The following DIP2C variants were observed in gnomAD, a reference collection of about 807,000 sequenced individuals.
DIP2C encodes the protein disco-interacting protein 2 homolog C.
DIP2C carries 33 observed loss-of-function variants against 192.4 expected under a neutral mutation model. The observed-to-expected ratio is 0.17, with a 90% CI of 0.13 to 0.23. The LOEUF is 0.23. DIP2C is among the 10% of genes least tolerant of loss of function. DIP2C has a pLI of 1.00. For missense variants in DIP2C, 1,537 were observed against 2,110.1 expected (o/e 0.73, Z 5.32); for synonymous variants, 979 against 864.1 (o/e 1.13, Z -2.33).
intron 1 of DIP2C, among the ~76,000 whole-genome samples, chr10:679,506 G>C (rs528728991): frequency 3.5e-4 from 1 of 2,888 alleles, no homozygotes; most frequent in Admixed American, 5.9e-3. Flanking sequence ...CCCCACACCC[G>C]TGCTCCCCAC....
chr10:384,510 T>C, intron 15 of DIP2C, 36 bp downstream of exon 15: 1 of 1,603,526 alleles, frequency 6.2e-7, no homozygotes, highest in Non-Finnish European at 8.5e-7. Context: ...AGCGCTGGGA[T>C]TACAGGTGTG....
At chr10:625,932 C>G (rs1271550636) in intron 1 of DIP2C, among the ~76,000 whole-genome samples, 1 of 152,182 alleles carries the variant, frequency 6.6e-6, no homozygotes, top group Non-Finnish European at 1.5e-5. Flanking sequence ...GGAAATTTCA[C>G]CAAATGTTGT....
chr10:546,582 C>T (rs1261555812), intron 1 of DIP2C, among the ~76,000 whole-genome samples: 1 of 152,242 alleles, frequency 6.6e-6, no homozygotes, highest in Non-Finnish European at 1.5e-5. Context: ...TAGGTATTCT[C>T]TGCTGCCAAA....
intron 1 of DIP2C, among the ~76,000 whole-genome samples, chr10:638,601 A>C (rs1249659975): frequency 6.6e-6 from 1 of 152,208 alleles, no homozygotes; most frequent in African/African-American, 2.4e-5. Flanking sequence ...TATCACCTAG[A>C]ACTTGACAAA....
At chr10:440,650 G>A (rs558354937) in intron 4 of DIP2C, among the ~76,000 whole-genome samples, 15 of 152,290 alleles carry the variant, frequency 9.8e-5, no homozygotes, top group Admixed American at 6.5e-5. Flanking sequence ...ATATGTATGA[G>A]TCTTGATGAA....
At position 345,501 on chromosome 10, in the gene DIP2C, CGG is replaced by C. The variant is rs1564590083; in HGVS notation, c.3232-393_3232-392del. 3.1e-3 allele frequency among the ~76,000 whole-genome samples: 201 copies of C among 64,748 alleles called. 2 individuals carry two copies. In the East Asian group the frequency reaches 0.043, roughly 14 times the overall value. The allele number at this position is 64,748 out of a possible 152,430, so 42.5% of individuals were successfully genotyped here. A position where few individuals can be genotyped will look rare whatever the true frequency, so the allele number is the denominator to read the frequency against. On this transcript the variant is annotated intron_variant, in intron 26 of 36. Transcript: ENST00000280886. ...CCAGGCACATCGCGCACAGTTCTCC[CGG>C]AAACCCCACAAACACCCATCCCAGA...
At chr10:306,030 A>C (rs1956306652) in intron 32 of DIP2C, among the ~76,000 whole-genome samples, 1 of 151,476 alleles carries the variant, frequency 6.6e-6, no homozygotes, top group Admixed American at 6.6e-5. Flanking sequence ...GAAAAACTCA[A>C]GTATTCATGG....
chr10:605,037 C>A (rs1852364294), intron 1 of DIP2C, among the ~76,000 whole-genome samples: 1 of 152,172 alleles, frequency 6.6e-6, no homozygotes, highest in Admixed American at 6.5e-5. Flanking sequence ...TATAAAGCAC[C>A]AAGGAGACCA....
rs544294374 is a variant in DIP2C at position 357,735 on chromosome 10, G to A, written c.2904+93C>T. 39 of 918,296 alleles carry A rather than the reference G, an allele frequency of 4.2e-5. No homozygotes were observed. The South Asian group carries it at 5.3e-4, about 13-fold the overall frequency. 56.9% of individuals were successfully genotyped at this position (918,296 alleles called of 1,614,324 possible). On this transcript the variant is annotated intron_variant, in intron 23 of 36. Coordinates refer to ENST00000280886, the MANE Select transcript of DIP2C (RefSeq NM_014974.3). ...TCGCGGACTGTCAGGGAAGGTAGGG[G>A]ACAGTCGGGTACTGTCGGGGATGGT...
At chr10:635,057 A>G (rs1478466954) in intron 1 of DIP2C, among the ~76,000 whole-genome samples, 3 of 152,226 alleles carry the variant, frequency 2.0e-5, no homozygotes, top group Non-Finnish European at 4.4e-5. Flanking sequence ...CAGCCTGGAT[A>G]ACAGTCCCTG....
At chr10:567,160 G>A (rs1390336400) in intron 1 of DIP2C, among the ~76,000 whole-genome samples, 1 of 151,694 alleles carries the variant, frequency 6.6e-6, no homozygotes, top group Non-Finnish European at 1.5e-5. Context: ...GCGGAAGGAG[G>A]ACAGGCACCG....
intron 1 of DIP2C, among the ~76,000 whole-genome samples, chr10:501,333 T>C (rs1190096493): frequency 2.0e-5 from 3 of 146,754 alleles, no homozygotes; most frequent in Non-Finnish European, 4.6e-5. Flanking sequence ...TATACTTTAT[T>C]TAGAAGGCAA....
intron 1 of DIP2C, among the ~76,000 whole-genome samples, chr10:555,843 C>A (rs142962109): frequency 1.3e-5 from 2 of 152,258 alleles, no homozygotes; most frequent in South Asian, 4.1e-4. Context: ...TCCACCCCCA[C>A]GGGAGGAACA....
chr10:444,590 A>G (rs1041568092), intron 3 of DIP2C, among the ~76,000 whole-genome samples: 2 of 139,428 alleles, frequency 1.4e-5, no homozygotes, highest in African/African-American at 5.5e-5. Context: ...CATGGTGTTC[A>G]CTCCAGAGAC....
intron 10 of DIP2C, among the ~76,000 whole-genome samples, chr10:395,694 G>C (rs1382621529): frequency 2.0e-5 from 3 of 152,308 alleles, no homozygotes; most frequent in East Asian, 1.9e-4. Flanking sequence ...GGCAAGACAG[G>C]AATGTCAGCC....
chr10:560,615 C>T (rs1013408878), intron 1 of DIP2C, among the ~76,000 whole-genome samples: 1 of 152,162 alleles, frequency 6.6e-6, no homozygotes, highest in Non-Finnish European at 1.5e-5. Flanking sequence ...TACTTGAAAA[C>T]ACATTGACTT....
chr10:342,057 A>C (rs1958175933), intron 28 of DIP2C, among the ~76,000 whole-genome samples: 1 of 152,164 alleles, frequency 6.6e-6, no homozygotes, highest in African/African-American at 2.4e-5. Context: ...AGTAAACCTC[A>C]CTCAGAACTG....
intron 1 of DIP2C, among the ~76,000 whole-genome samples, chr10:549,417 T>C (rs1848474773): frequency 6.6e-6 from 1 of 152,118 alleles, no homozygotes; most frequent in African/African-American, 2.4e-5. Context: ...ACACACGGAC[T>C]CGGGCCCATC....
In DIP2C at chr10:276,808, G is replaced by GT. The variant is rs1423703244; in HGVS notation, c.*516dup. On this transcript the variant is annotated 3_prime_UTR_variant, in exon 37 of 37. Transcript: ENST00000280886. ...CTAATTGGAAGGTGCTATTTGGAAG[G>GT]TTTTCTCGTACCTCAAACTTTCCTA... 1 of 154,334 alleles carries GT rather than the reference G, an allele frequency of 6.5e-6. No homozygotes were observed. Among genetic ancestry groups the GT allele is most frequent in the Non-Finnish European group, 1.4e-5 (1 of 69,248 alleles). The allele number at this position is 154,334 out of a possible 1,614,324, so 9.6% of individuals were successfully genotyped here.
Sources: gnomAD v4.1 joint callset for allele counts (sites outside exome capture counted in the v4.1 genomes callset) on GRCh38, gnomAD v4.1.1 for gene constraint, MANE v1.5 for transcripts, NCBI Gene and HGNC (gene_info 2026-07-23, HGNC 2026-07-21) for gene names.